Variants in PTPN3 observed in about 807,000 individuals in gnomAD.
PTPN3 encodes the protein tyrosine-protein phosphatase non-receptor type 3.
In PTPN3, 96 loss-of-function variants were observed where a neutral mutation model predicts 132.7. The observed-to-expected ratio is 0.72, with a 90% CI of 0.61 to 0.86. The LOEUF is 0.86. Ranked by LOEUF, PTPN3 falls within the 40% of genes least tolerant of loss-of-function variation. PTPN3 has a pLI of 0.00. For missense variants in PTPN3, 1,125 were observed against 1,159.6 expected, an observed-to-expected ratio of 0.97 and a Z score of 0.43; for synonymous variants, 398 against 429.0, an observed-to-expected ratio of 0.93 and a Z score of 0.89.
intron 1 of PTPN3, among the ~76,000 whole-genome samples, chr9:109,480,912 A>G (rs1846928360): frequency 6.6e-6 from 1 of 152,120 alleles, no homozygotes; most frequent in African/African-American, 2.4e-5. Flanking sequence ...GGATGGATGG[A>G]TGGATGGATG....
rs1840676137 is a variant in PTPN3 at position 109,397,194 on chromosome 9, CA to C, written c.1954-5634del. Among the ~76,000 whole-genome samples the C allele has an allele frequency of 2.6e-5, 4 of 152,216 alleles. No individual in the cohort carries two copies. The South Asian group carries it at 8.3e-4, about 32-fold the overall frequency. On this transcript the variant is annotated intron_variant, in intron 19 of 25. Transcript: ENST00000374541. ...GAGTCGACTCCAAGGAACCAAGTTT[CA>C]AAATGGCTGTTTGCTGTATCAGCCA...
At chr9:109,525,773 T>G in the PTPN3 span, among the ~76,000 whole-genome samples, 1 of 152,206 alleles carries the variant, frequency 6.6e-6, no homozygotes, top group Non-Finnish European at 1.5e-5. Flanking sequence ...GAGAACTTTT[T>G]GGGAGATAGA....
chr9:109,444,621 A>G (rs1203620736), intron 7 of PTPN3, among the ~76,000 whole-genome samples: 2 of 151,546 alleles, frequency 1.3e-5, no homozygotes, highest in African/African-American at 4.8e-5. Flanking sequence ...TAAATAAAAC[A>G]TAAAAAACCT....
chr9:109,457,304 G>A lies in PTPN3; in HGVS notation c.234C>T (p.Ser78=), dbSNP rs35279031. Reference sequence around the variant, plus strand: ...AAATGGCACTTACAGGAGAGTCCACGGAGTCGTCATCATGCTGTAAACCAA... The same window carrying A: ...AAATGGCACTTACAGGAGAGTCCACAGAGTCGTCATCATGCTGTAAACCAA... The part of the protein sequence containing the change: ...EYFGLQHDDD[S]VDSPRWLEAS... The change falls in exon 3 of 26, where the codon TCC becomes TCT. Residue 78 remains serine, a synonymous_variant. Coordinates refer to ENST00000374541, the MANE Select transcript of PTPN3 (RefSeq NM_002829.4). The A allele has an allele frequency of 3.6e-4, 585 of 1,613,870 alleles. 2 individuals are homozygous for A. In the African/African-American group the frequency reaches 6.3e-3, roughly 17 times the overall value.
At chr9:109,438,491 A>C (rs1423679635) in intron 7 of PTPN3, among the ~76,000 whole-genome samples, 1 of 152,236 alleles carries the variant, frequency 6.6e-6, no homozygotes, top group African/African-American at 2.4e-5. Context: ...GGAGAAAATT[A>C]GGAGACGGTG....
chr9:109,474,888 A>G (rs1447936344), intron 1 of PTPN3, among the ~76,000 whole-genome samples: 1 of 152,134 alleles, frequency 6.6e-6, no homozygotes, highest in African/African-American at 2.4e-5. Flanking sequence ...ACCCTCTCTG[A>G]GACTCAGTTT....
intron 6 of PTPN3, 85 bp from the exon 7 acceptor site, chr9:109,445,377 C>T (rs949429045): frequency 1.3e-5 from 15 of 1,191,824 alleles, no homozygotes; most frequent in Non-Finnish European, 1.9e-5. Context: ...TAACACATGT[C>T]TTTCTTTGCT....
intron 10 of PTPN3, chr9:109,428,985 C>A: frequency 1.0e-6 from 1 of 985,366 alleles, no homozygotes; most frequent in Non-Finnish European, 1.2e-6. Flanking sequence ...TGCAGCTCTG[C>A]GTGAGCTGGT....
At chr9:109,391,427 A>G in intron 20 of PTPN3, 44 bp downstream of exon 20, 8 of 1,540,002 alleles carry the variant, frequency 5.2e-6, no homozygotes, top group Non-Finnish European at 7.2e-6. Context: ...GGGAAACATT[A>G]TCTCAGTGTA....
upstream of PTPN3, among the ~76,000 whole-genome samples, chr9:109,499,625 G>T (rs1264887896): frequency 6.6e-6 from 1 of 152,196 alleles, no homozygotes. Context: ...GTGAACGAAG[G>T]GATGCAGAGA....
At chr9:109,434,847 G>T (rs1355003640) in intron 9 of PTPN3, among the ~76,000 whole-genome samples, 1 of 152,210 alleles carries the variant, frequency 6.6e-6, no homozygotes, top group Non-Finnish European at 1.5e-5. Flanking sequence ...GCACGTGGAA[G>T]ACATAAGAAA....
intron 1 of PTPN3, among the ~76,000 whole-genome samples, chr9:109,469,258 C>A (rs1041179619): frequency 6.6e-6 from 1 of 152,166 alleles, no homozygotes; most frequent in African/African-American, 2.4e-5. Flanking sequence ...AGCCAATGAA[C>A]CATAGACACA....
intron 1 of PTPN3, among the ~76,000 whole-genome samples, chr9:109,484,728 C>T (rs548281899): frequency 2.7e-4 from 41 of 152,338 alleles, no homozygotes; most frequent in Non-Finnish European, 4.4e-4. Flanking sequence ...CCTCACCCCA[C>T]ATCTACCTGG....
intron 19 of PTPN3, among the ~76,000 whole-genome samples, chr9:109,396,937 C>T (rs1016577341): frequency 6.6e-6 from 1 of 152,200 alleles, no homozygotes; most frequent in Non-Finnish European, 1.5e-5. Flanking sequence ...CTTCACACCC[C>T]CAACTGGCTC....
At chr9:109,440,906 G>T (rs1368503482) in intron 7 of PTPN3, among the ~76,000 whole-genome samples, 2 of 152,180 alleles carry the variant, frequency 1.3e-5, no homozygotes, top group Non-Finnish European at 2.9e-5. Flanking sequence ...ACCACTAGGG[G>T]GAAACAAAGT....
chr9:109,536,186 T>C, the PTPN3 span, among the ~76,000 whole-genome samples: 7 of 152,380 alleles, frequency 4.6e-5, no homozygotes, highest in South Asian at 1.2e-3. Context: ...ATGGTCACAT[T>C]TATCAGAACT....
Position 109,391,217 on chromosome 9 carries a change from A to G in PTPN3, c.2045-18T>C, listed in dbSNP as rs755506073. ...GGTGTCATCTGCGGGGAAGAGAAAAATTTACCGATTATTCCGAGCATTATT... is the reference window on the plus strand; with the variant it reads ...GGTGTCATCTGCGGGGAAGAGAAAAGTTTACCGATTATTCCGAGCATTATT... On this transcript the variant is annotated intron_variant, in intron 20 of 25. Coordinates refer to ENST00000374541, the MANE Select transcript of PTPN3 (RefSeq NM_002829.4). 6.2e-7 allele frequency: 1 copy of G among 1,605,200 alleles called. No individual in the cohort carries two copies. The highest frequency in any genetic ancestry group is 1.3e-5 in the African/African-American group (1 of 74,726).
rs138839766 is a variant in PTPN3, at chr9:109,391,144, G to A, written c.2100C>T (p.Tyr700=). 54 of 1,612,772 alleles carry A rather than the reference G, an allele frequency of 3.3e-5. No individual in the cohort carries two copies. The highest frequency in any genetic ancestry group is 4.4e-5 in the South Asian group (4 of 90,930). Residue 700 remains tyrosine, a synonymous_variant, in exon 21 of 26, where the codon TAC becomes TAT. Transcript: ENST00000374541. ...QGNEDYINAS[Y]VNMEIPAANL... ...ATCCAGATTCCTAACTTACGTTCAC[G>A]TAACTTGCATTAATATAATCTTCAT...
intron 7 of PTPN3, among the ~76,000 whole-genome samples, chr9:109,442,905 T>A (rs555212229): frequency 4.0e-4 from 61 of 152,154 alleles, no homozygotes; most frequent in Non-Finnish European, 7.6e-4. Flanking sequence ...CAGCCAGGGA[T>A]GGTCCAACAA....
Sources: gnomAD v4.1 joint callset for allele counts (sites outside exome capture counted in the v4.1 genomes callset) on GRCh38, gnomAD v4.1.1 for gene constraint, MANE v1.5 for transcripts, NCBI Gene and HGNC (gene_info 2026-07-23, HGNC 2026-07-21) for gene names.